The following SPTBN5 variants were observed in gnomAD, a reference collection of about 807,000 sequenced individuals.
SPTBN5 encodes the protein spectrin beta chain, non-erythrocytic 5.
Under a neutral mutation model 477.6 loss-of-function variants are expected in SPTBN5, and 513 were observed. That is an observed-to-expected ratio of 1.07 (90% CI 1.00 to 1.16). The LOEUF is 1.16. Among genes scored for constraint, SPTBN5 ranks in the 50% most tolerant of loss-of-function variants. The pLI, the probability that SPTBN5 is intolerant of heterozygous loss-of-function variation, is 0.00. For missense variants in SPTBN5, 5,062 were observed against 4,731.8 expected (o/e 1.07, Z -2.05); for synonymous variants, 2,169 against 2,011.7 (o/e 1.08, Z -2.09).
chr15:41,861,636 A>C (rs951289353), intron 45 of SPTBN5, 99 bp downstream of exon 45: 4 of 1,501,398 alleles, frequency 2.7e-6, no homozygotes, highest in Non-Finnish European at 3.6e-6. Context: ...TCCCTGGCAC[A>C]GCAGCCCCTC....
At position 41,871,370 on chromosome 15, in the gene SPTBN5, C is replaced by T. The variant is rs1157028424; in HGVS notation, c.5447+5G>A. The T allele has an allele frequency of 5.6e-6, 8 of 1,426,276 alleles. No homozygotes were observed. Among genetic ancestry groups the T allele is most frequent in the Non-Finnish European group, 7.4e-6 (8 of 1,087,696 alleles). The allele number at this position is 1,426,276 out of a possible 1,614,324, so 88.4% of individuals were successfully genotyped here. A position where few individuals can be genotyped will look rare whatever the true frequency, so the allele number is the denominator to read the frequency against. On this transcript the variant is annotated splice_donor_5th_base_variant and intron_variant, in intron 29 of 67. Coordinates refer to ENST00000320955, the MANE Select transcript of SPTBN5 (RefSeq NM_016642.4). ...CCATGCTGGCCTGGCCCGTTGGGCA[C>T]TCACTGCAGATCCTGCTGCCTCTGA...
rs750532636 is a variant in SPTBN5 at position 41,851,753 on chromosome 15, T to C, written c.10656+26A>G. On this transcript the variant is annotated intron_variant, in intron 63 of 67. Coordinates refer to ENST00000320955, the MANE Select transcript of SPTBN5 (RefSeq NM_016642.4). The stretch of plus-strand genomic sequence containing the variant: ...GTGCTGCTGCAAGTGGGGAGCTGCC[T>C]GGAGAAGGAATCTCCAGGCACTCAC... 5.0e-6 allele frequency: 8 copies of C among 1,584,620 alleles called. No individual in the cohort carries two copies. The South Asian group carries it at 5.5e-5, about 11-fold the overall frequency.
In SPTBN5 at chr15:41,883,477, T is replaced by G; in HGVS notation, c.1530A>C (p.Glu510Asp). 1 of 1,613,780 alleles carries G rather than the reference T, an allele frequency of 6.2e-7. No individual in the cohort carries two copies. The highest frequency in any genetic ancestry group is 1.6e-4 in the Middle Eastern group (1 of 6,062). The change falls in exon 8 of 68, where the codon GAA (glutamate) becomes GAC (aspartate). Residue 510 changes from glutamate (E) to aspartate (D), a missense_variant. By Grantham distance (45) the Glu-to-Asp change is conservative. Transcript: ENST00000320955. ...GGAGCCTCTGCCAGCGCACGGTAAC[T>G]TCCTCCTGCCTAGAGGATATGAGAA... The part of the protein sequence containing the change: ...SWADVARRQE[E>D]VTVRWQRLLQ...
intron 23 of SPTBN5, 120 bp from the exon 24 acceptor site, chr15:41,874,598 C>A: frequency 1.0e-6 from 1 of 972,552 alleles, no homozygotes. Context: ...AGCAAAGCCT[C>A]ATCTGACAAA....
chr15:41,858,690 G>C lies in SPTBN5; in HGVS notation c.8138C>G (p.Thr2713Arg). ...LVALEEGLLDTAMLPAQLQKQ... is the reference protein window; with the variant it reads ...LVALEEGLLDRAMLPAQLQKQ... The stretch of plus-strand genomic sequence containing the variant: ...CTGTAACTGTGCTGGCAGCATGGCT[G>C]TGTCCAGCAAACCCTCCTCCAAGGC... Residue 2713 changes from threonine to arginine, a missense_variant, in exon 49 of 68, where the codon ACA (threonine) becomes AGA (arginine). Transcript: ENST00000320955. 6.2e-7 allele frequency: 1 copy of C among 1,608,772 alleles called. No homozygotes were observed. Among genetic ancestry groups the C allele is most frequent in the Non-Finnish European group, 8.5e-7 (1 of 1,177,988 alleles).
chr15:41,874,161 G>A (rs2066638832), intron 24 of SPTBN5, 116 bp from the exon 25 acceptor site: 1 of 1,503,036 alleles, frequency 6.7e-7, no homozygotes, highest in East Asian at 2.3e-5. Flanking sequence ...AAAATAGCTG[G>A]GGCAGAGATT....
intron 4 of SPTBN5, among the ~76,000 whole-genome samples, chr15:41,889,361 T>A (rs986591951): frequency 6.6e-6 from 1 of 152,210 alleles, no homozygotes; most frequent in African/African-American, 2.4e-5. Context: ...CTACTAGAAT[T>A]GAGTTTTAGG....
chr15:41,850,834 A>T lies in SPTBN5; in HGVS notation c.10921+20T>A. On this transcript the variant is annotated intron_variant, in intron 66 of 67. Transcript: ENST00000320955. ...CCAGGGAGTCGGCCGCCCTCCCCGC[A>T]TCCTTCCCCTGAAGCCCACCTGCAG... 1 of 1,577,512 alleles carries T rather than the reference A, an allele frequency of 6.3e-7. No homozygotes were observed.
intron 14 of SPTBN5, 143 bp downstream of exon 14, chr15:41,880,017 G>A: frequency 7.1e-7 from 1 of 1,400,942 alleles, no homozygotes; most frequent in Non-Finnish European, 9.6e-7. Flanking sequence ...TTAAGGGCCA[G>A]GAGGCCCTCG....
In SPTBN5 at chr15:41,855,712, C is replaced by A. The variant is rs1187718852; in HGVS notation, c.9055G>T (p.Gly3019Cys). The change falls in exon 54 of 68, where the codon GGC becomes TGC. Residue 3019 changes from glycine (G) to cysteine (C), a missense_variant. Gly to Cys is a radical substitution (Grantham distance 159). Transcript: ENST00000320955. ...ATGTCCTCGCTGTCCAGGACATGGC[C>A]CCGCTCAGCCAGCCAGGATCCCGCC... ...LEAGSWLAERGHVLDSEDMGH... is the reference protein window; with the variant it reads ...LEAGSWLAERCHVLDSEDMGH... The A allele has an allele frequency of 1.3e-6, 2 of 1,592,244 alleles. No individual in the cohort carries two copies. The highest frequency in any genetic ancestry group is 1.7e-6 in the Non-Finnish European group (2 of 1,170,392).
At position 41,882,211 on chromosome 15, in the gene SPTBN5, C is replaced by T. The variant is rs2066984191; in HGVS notation, c.2247+58G>A. On this transcript the variant is annotated intron_variant, in intron 11 of 67. Transcript: ENST00000320955. Reference sequence around the variant, plus strand: ...GGCTGAGCGCGGGCAGGTGCTGGCACCCCCACCCCCGCCTCGCCGGGCCCC... The same window carrying T: ...GGCTGAGCGCGGGCAGGTGCTGGCATCCCCACCCCCGCCTCGCCGGGCCCC... 3.1e-5 allele frequency: 44 copies of T among 1,437,348 alleles called. No individual in the cohort carries two copies. The South Asian group carries it at 6.0e-4, about 19-fold the overall frequency. The allele number at this position is 1,437,348 out of a possible 1,614,324, so 89.0% of individuals were successfully genotyped here. A position where few individuals can be genotyped will look rare whatever the true frequency, so the allele number is the denominator to read the frequency against.
Position 41,860,640 on chromosome 15 carries a change from C to T in SPTBN5, c.7934G>A (p.Gly2645Asp). 6.5e-7 allele frequency: 1 copy of T among 1,542,008 alleles called. No individual in the cohort carries two copies. The change falls in exon 47 of 68, where the codon GGT (glycine) becomes GAT (aspartate). Residue 2645 changes from glycine (G) to aspartate (D), a missense_variant. Physicochemically the swap from Gly to Asp is moderately conservative, Grantham distance 94. Coordinates refer to ENST00000320955, the MANE Select transcript of SPTBN5 (RefSeq NM_016642.4). ...GGCACTCTGGGCCTCGGGGTGCCCA[C>T]CCTGGTGCAGGCCGCGGGCCGTGGC... is the stretch of plus-strand genomic sequence containing the variant. ...LEATARGLHQ[G>D]GHPEAQSALG...
rs534408675 is a variant in SPTBN5, at chr15:41,852,382, C to G, written c.10450-66G>C. Reference sequence around the variant, plus strand: ...GGAGACCAGCCACACCTCAGGTTCCCGTCTACCTCCCCTCCCCCAGCCCTC... The same window carrying G: ...GGAGACCAGCCACACCTCAGGTTCCGGTCTACCTCCCCTCCCCCAGCCCTC... On this transcript the variant is annotated intron_variant, in intron 61 of 67. Coordinates refer to ENST00000320955, the MANE Select transcript of SPTBN5 (RefSeq NM_016642.4). 6 of 1,493,776 alleles carry G rather than the reference C, an allele frequency of 4.0e-6. No homozygotes were observed. In the African/African-American group the frequency reaches 4.2e-5, roughly 10 times the overall value. The allele number at this position is 1,493,776 out of a possible 1,614,324, so 92.5% of individuals were successfully genotyped here.
At chr15:41,874,564 G>C (rs1021297897) in intron 23 of SPTBN5, 86 bp from the exon 24 acceptor site, 1 of 1,187,302 alleles carries the variant, frequency 8.4e-7, no homozygotes, top group Non-Finnish European at 1.2e-6. Flanking sequence ...GCCAGGGCCC[G>C]TGAAGAACAA....
chr15:41,859,950 G>T (rs557807887), intron 47 of SPTBN5, among the ~76,000 whole-genome samples: 1 of 152,328 alleles, frequency 6.6e-6, no homozygotes, highest in African/African-American at 2.4e-5. Context: ...TCTGGCTTTT[G>T]ACCGTATCTG....
chr15:41,851,654 A>AT lies in SPTBN5; in HGVS notation c.10656+124dup, dbSNP rs367943411. 431 of 726,598 alleles carry AT rather than the reference A, an allele frequency of 5.9e-4. No individual in the cohort carries two copies. The African/African-American group carries it at 7.1e-3, about 12-fold the overall frequency. 45.0% of individuals were successfully genotyped at this position (726,598 alleles called of 1,614,324 possible). Reference sequence around the variant, plus strand: ...CAAGGAGCCAAACTGCCTGGACAGCATGGTGGGGGGTGGCATCTGCCCAAG... The same window carrying AT: ...CAAGGAGCCAAACTGCCTGGACAGCATTGGTGGGGGGTGGCATCTGCCCAAG... On this transcript the variant is annotated intron_variant, in intron 63 of 67. Transcript: ENST00000320955.
At chr15:41,891,786 C>G (rs2067321313) in intron 3 of SPTBN5, among the ~76,000 whole-genome samples, 2 of 152,194 alleles carry the variant, frequency 1.3e-5, no homozygotes, top group South Asian at 4.1e-4. Context: ...ATCCCTCATT[C>G]TGCCACACAT....
intron 23 of SPTBN5, 112 bp downstream of exon 23, chr15:41,874,730 T>C (rs934551061): frequency 8.9e-7 from 1 of 1,119,264 alleles, no homozygotes; most frequent in Non-Finnish European, 1.3e-6. Flanking sequence ...CCAGAATGAC[T>C]CTACTCATAA....
At position 41,879,392 on chromosome 15, in the gene SPTBN5, C is replaced by G; in HGVS notation, c.3050G>C (p.Arg1017Pro). 4 of 1,610,720 alleles carry G rather than the reference C, an allele frequency of 2.5e-6. No individual in the cohort carries two copies. The highest frequency in any genetic ancestry group is 3.4e-6 in the Non-Finnish European group (4 of 1,179,814). ...GGCCTCCAGCTGGAGGAGCACGTCTCGCAGCTGGACCTGTGTGGGTCCACA... is the reference window on the plus strand; with the variant it reads ...GGCCTCCAGCTGGAGGAGCACGTCTGGCAGCTGGACCTGTGTGGGTCCACA... The part of the protein sequence containing the change: ...QECGPTQVQL[R>P]DVLLQLEALQ... Residue 1017 changes from arginine (R) to proline (P), a missense_variant, in exon 16 of 68, where the codon CGA becomes CCA. Arg to Pro is a moderately radical substitution (Grantham distance 103, BLOSUM62 -2). Coordinates refer to ENST00000320955, the MANE Select transcript of SPTBN5 (RefSeq NM_016642.4).
Sources: allele counts gnomAD v4.1 joint callset (sites outside exome capture counted in the v4.1 genomes callset), GRCh38; gene constraint gnomAD v4.1.1; transcripts MANE v1.5; gene names NCBI Gene and HGNC (gene_info 2026-07-23, HGNC 2026-07-21).